PLEKHG1: variants seen among roughly 807,000 people sequenced by gnomAD.
The protein encoded by PLEKHG1 is pleckstrin homology domain-containing family G member 1.
In PLEKHG1, 44 loss-of-function variants were observed where a neutral mutation model predicts 100.8. The observed-to-expected ratio is 0.44, with a 90% CI of 0.34 to 0.56. The LOEUF is 0.56. Among genes scored for constraint, PLEKHG1 ranks in the 20% least tolerant of loss-of-function variants. The pLI is 0.01. For missense variants in PLEKHG1, 1,545 were observed against 1,720.9 expected (o/e 0.90, Z 1.81); for synonymous variants, 640 against 662.5 (o/e 0.97, Z 0.52).
intron 3 of PLEKHG1, among the ~76,000 whole-genome samples, chr6:150,774,902 T>C (rs553510803): frequency 2.6e-5 from 4 of 152,242 alleles, no homozygotes; most frequent in Non-Finnish European, 5.9e-5. Context: ...TTTTCAGACA[T>C]GTTCATAAAT....
At chr6:150,733,264 T>A (rs901846274) in intron 1 of PLEKHG1, among the ~76,000 whole-genome samples, 2 of 152,214 alleles carry the variant, frequency 1.3e-5, no homozygotes, top group African/African-American at 4.8e-5. Flanking sequence ...TTCCAGGTGG[T>A]CACACTTTTG....
chr6:150,790,182 C>T (rs146130555), intron 4 of PLEKHG1, among the ~76,000 whole-genome samples: 1,680 of 152,120 alleles, frequency 0.011, 34 homozygotes, highest in African/African-American at 0.038. Flanking sequence ...CCACCACACC[C>T]GGCTAATTTT....
At chr6:150,651,187 G>T (rs1458346052) in intron 3 of PLEKHG1, 1 of 152,172 alleles carries the variant, frequency 6.6e-6, no homozygotes, top group Non-Finnish European at 1.5e-5. Context: ...TTGACTGCAG[G>T]TAACTGAAAC....
intron 1 of PLEKHG1, among the ~76,000 whole-genome samples, chr6:150,606,651 C>G (rs1454773425): frequency 6.6e-6 from 1 of 152,212 alleles, no homozygotes; most frequent in East Asian, 1.9e-4. Flanking sequence ...TTGACCCTCT[C>G]TAGCTTTTCT....
At chr6:150,800,216 G>A (rs1033418389) in intron 5 of PLEKHG1, among the ~76,000 whole-genome samples, 2 of 152,092 alleles carry the variant, frequency 1.3e-5, no homozygotes, top group Non-Finnish European at 2.9e-5. Context: ...CACAGTTTGT[G>A]CATCATATAA....
intron 3 of PLEKHG1, among the ~76,000 whole-genome samples, chr6:150,658,221 A>G (rs1274000511): frequency 6.6e-6 from 1 of 152,190 alleles, no homozygotes; most frequent in African/African-American, 2.4e-5. Context: ...TCTGTGCCAC[A>G]GGAAAGCCTG....
chr6:150,647,494 A>G lies in PLEKHG1; in HGVS notation c.-157-3234A>G, dbSNP rs187143162. Among the ~76,000 whole-genome samples, 196 of 152,228 alleles carry G rather than the reference A, an allele frequency of 1.3e-3. 2 individuals carry two copies. Among genetic ancestry groups the G allele is most frequent in the Non-Finnish European group, 2.0e-3 (136 of 67,974 alleles). On this transcript the variant is annotated intron_variant, in intron 2 of 3. Coordinates refer to the PLEKHG1 transcript ENST00000367326. ...TATTTATTTTTATGCTCAAATCACG[A>G]GTTGTGTTTTGCCTATGTAACTTAT...
At chr6:150,813,324 A>G (rs1787656956) in intron 10 of PLEKHG1, among the ~76,000 whole-genome samples, 1 of 151,704 alleles carries the variant, frequency 6.6e-6, no homozygotes. Context: ...AAAAAACAAA[A>G]TGGACCAGTC....
intron 1 of PLEKHG1, among the ~76,000 whole-genome samples, chr6:150,612,914 CCTT>C (rs1320517355): frequency 6.6e-6 from 1 of 152,208 alleles, no homozygotes; most frequent in Non-Finnish European, 1.5e-5. Flanking sequence ...TTAGACCTCG[CCTT>C]CTACCAGCCA....
At chr6:150,653,934 T>C (rs540928846) in intron 3 of PLEKHG1, among the ~76,000 whole-genome samples, 1 of 152,320 alleles carries the variant, frequency 6.6e-6, no homozygotes, top group African/African-American at 2.4e-5. Context: ...ATATTTCCCT[T>C]TCCATAATCA....
At chr6:150,828,344 C>A in intron 14 of PLEKHG1, 1 of 1,610,776 alleles carries the variant, frequency 6.2e-7, no homozygotes, top group South Asian at 1.1e-5. Flanking sequence ...GTGCGGCGCT[C>A]TGTCCTCATG....
At chr6:150,794,194 A>T (rs1293069200) in intron 4 of PLEKHG1, among the ~76,000 whole-genome samples, 1 of 152,210 alleles carries the variant, frequency 6.6e-6, no homozygotes, top group African/African-American at 2.4e-5. Flanking sequence ...ATAGGGGAGA[A>T]CTTAAAGATG....
At chr6:150,801,696 T>A (rs1786721558) in intron 6 of PLEKHG1, among the ~76,000 whole-genome samples, 1 of 152,020 alleles carries the variant, frequency 6.6e-6, no homozygotes, top group South Asian at 2.1e-4. Flanking sequence ...TGCCTGAGCC[T>A]CCCAAAGTGC....
intron 3 of PLEKHG1, among the ~76,000 whole-genome samples, chr6:150,785,219 G>A (rs1785550469): frequency 1.3e-5 from 2 of 152,134 alleles, no homozygotes; most frequent in Admixed American, 1.3e-4. Context: ...ATGCTTCTGG[G>A]CAGTGCCCAT....
chr6:150,631,923 C>G (rs968715514), intron 1 of PLEKHG1, among the ~76,000 whole-genome samples: 8 of 152,306 alleles, frequency 5.3e-5, no homozygotes, highest in East Asian at 3.9e-4. Context: ...TGCTGTCCTG[C>G]CCCGGGGGCT....
In PLEKHG1 at chr6:150,734,696, C is replaced by T. The variant is rs185208522; in HGVS notation, c.411+604C>T. On this transcript the variant is annotated intron_variant, in intron 2 of 15. Transcript: ENST00000358517. ...AAAGGATTGAAAGGTAGAGAAAAGT[C>T]GTGGGCTTTGTCTTGTCTCGTGTCT... 2.0e-5 allele frequency among the ~76,000 whole-genome samples: 3 copies of T among 152,224 alleles called. No homozygotes were observed. The East Asian group carries it at 5.8e-4, about 29-fold the overall frequency.
intron 1 of PLEKHG1, among the ~76,000 whole-genome samples, chr6:150,628,220 G>T (rs192748614): frequency 1.1e-4 from 17 of 152,270 alleles, no homozygotes; most frequent in Non-Finnish European, 2.4e-4. Flanking sequence ...AATGATTTAA[G>T]CATGTGAACT....
At chr6:150,818,072 T>TA in intron 10 of PLEKHG1, 111 bp from the exon 12 acceptor site, 2 of 864,732 alleles carry the variant, frequency 2.3e-6, no homozygotes, top group Admixed American at 4.3e-5. Flanking sequence ...AGCGAGTTTT[T>TA]AAACGTTTTT....
intron 2 of PLEKHG1, among the ~76,000 whole-genome samples, chr6:150,764,117 C>CTTTTTTTT (rs67507838): frequency 2.1e-5 from 3 of 145,774 alleles, no homozygotes; most frequent in African/African-American, 5.1e-5. Context: ...TTTTCTTTTT[C>CTTTTTTTT]TTTTTCTTTT....
Sources: allele counts gnomAD v4.1 joint callset (sites outside exome capture counted in the v4.1 genomes callset), GRCh38; gene constraint gnomAD v4.1.1; transcripts MANE v1.5; gene names NCBI Gene and HGNC (gene_info 2026-07-23, HGNC 2026-07-21).